CD8B2: variants seen among roughly 807,000 people sequenced by gnomAD.
CD8B2 encodes CD8B family member 2, also known as T-cell surface glycoprotein CD8 beta-2 chain.
A neutral mutation model predicts 23.7 loss-of-function variants in CD8B2; 11 were observed. The ratio of observed to expected loss-of-function variants is 0.46; its 90% CI spans 0.29 to 0.77. CD8B2 has a LOEUF of 0.77. CD8B2 is among the 30% of genes least tolerant of loss of function. The pLI is 0.09. For missense variants in CD8B2, 197 were observed against 270.5 expected (o/e 0.73, Z 1.91); for synonymous variants, 90 against 109.3 (o/e 0.82, Z 1.10).
chr2:106,490,796 C>G (rs1317828058), intron 1 of CD8B2, 78 bp from the exon 2 acceptor site: 2 of 1,531,260 alleles, frequency 1.3e-6, no homozygotes, highest in Admixed American at 2.1e-5. Context: ...TCCTTTGACA[C>G]TTGACTCAGT....
intron 5 of CD8B2, among the ~76,000 whole-genome samples, chr2:106,528,717 T>TAA (rs1679949590): frequency 2.0e-5 from 3 of 152,250 alleles, no homozygotes; most frequent in African/African-American, 7.2e-5. Context: ...CAATAAACTG[T>TAA]GTGGCAGACA....
intron 5 of CD8B2, among the ~76,000 whole-genome samples, chr2:106,526,534 T>A (rs1158887278): frequency 1.3e-5 from 2 of 152,256 alleles, no homozygotes; most frequent in Non-Finnish European, 2.9e-5. Flanking sequence ...CTTCAGTGAC[T>A]GGCTTCTTTC....
chr2:106,522,758 G>A (rs4569472), intron 5 of CD8B2, among the ~76,000 whole-genome samples: 149,658 of 152,284 alleles, frequency 0.98, 73,604 homozygotes, highest in East Asian at 1. Context: ...TTCCATCCCT[G>A]AGCAGTTAAT....
chr2:106,499,295 G>T (rs1679356375), intron 3 of CD8B2, among the ~76,000 whole-genome samples: 1 of 152,088 alleles, frequency 6.6e-6, no homozygotes, highest in African/African-American at 2.4e-5. Flanking sequence ...CACTTTGGGA[G>T]GCCAAAGCTG....
chr2:106,525,293 G>A (rs564442521), intron 5 of CD8B2, among the ~76,000 whole-genome samples: 1 of 152,262 alleles, frequency 6.6e-6, no homozygotes, highest in South Asian at 2.1e-4. Context: ...TCATTATCCT[G>A]TTGGGTCCCA....
chr2:106,535,201 T>A (rs567909777), intron 5 of CD8B2: 1 of 152,218 alleles, frequency 6.6e-6, no homozygotes, highest in Non-Finnish European at 1.5e-5. Flanking sequence ...TTCCTCTCCA[T>A]GTGTGTTACT....
At chr2:106,530,107 G>C (rs1479517248) in intron 5 of CD8B2, among the ~76,000 whole-genome samples, 1 of 152,190 alleles carries the variant, frequency 6.6e-6, no homozygotes. Context: ...GCCGGTATGA[G>C]GACTGCAGCA....
In CD8B2 at chr2:106,543,903, C is replaced by T. The variant is rs1573356471; in HGVS notation, c.621-89C>T. On this transcript the variant is annotated intron_variant, in intron 5 of 5. Transcript: ENST00000416057. Reference sequence around the variant, plus strand: ...GGATTTCTGTGGATTTGTGCTTATACACTGAAAGTTTTGTGATGTACATTG... The same window carrying T: ...GGATTTCTGTGGATTTGTGCTTATATACTGAAAGTTTTGTGATGTACATTG... The T allele has an allele frequency of 7.5e-6, 3 of 397,644 alleles. No individual in the cohort carries two copies. In the East Asian group the frequency reaches 1.1e-4, roughly 14 times the overall value. The allele number at this position is 397,644 out of a possible 1,614,324, so 24.6% of individuals were successfully genotyped here. A position where few individuals can be genotyped will look rare whatever the true frequency, so the allele number is the denominator to read the frequency against.
chr2:106,505,703 G>A (rs1323907037), intron 5 of CD8B2, among the ~76,000 whole-genome samples: 6 of 152,196 alleles, frequency 3.9e-5, no homozygotes, highest in Admixed American at 6.5e-5. Flanking sequence ...AAACATGCCT[G>A]CTGGATTTTA....
intron 4 of CD8B2, among the ~76,000 whole-genome samples, chr2:106,503,964 A>C (rs1249050227): frequency 2.6e-5 from 4 of 152,210 alleles, no homozygotes. Context: ...GTTTAAGGAC[A>C]CAGACTCTGC....
chr2:106,523,235 G>A (rs902612308), intron 5 of CD8B2, among the ~76,000 whole-genome samples: 3 of 152,102 alleles, frequency 2.0e-5, no homozygotes, highest in Admixed American at 2.0e-4. Flanking sequence ...TGAGAAATTT[G>A]CTACCAAGTG....
intron 3 of CD8B2, among the ~76,000 whole-genome samples, chr2:106,498,705 G>A (rs1679345770): frequency 6.6e-6 from 1 of 152,092 alleles, no homozygotes; most frequent in South Asian, 2.1e-4. Context: ...CACTGAATAG[G>A]TGATTCAGCC....
chr2:106,524,906 C>T (rs997201244), intron 5 of CD8B2, among the ~76,000 whole-genome samples: 6 of 152,124 alleles, frequency 3.9e-5, no homozygotes, highest in African/African-American at 4.8e-5. Context: ...CCCTCCCATA[C>T]GCAGCCAGGA....
In CD8B2 at chr2:106,540,950, C is replaced by A. The variant is rs112215836; in HGVS notation, c.621-3042C>A. ...GAAGGCATATCAGGGGAGCTTCATTCGGCTGGGGGAGTGGAGACAGCCTTT... is the reference window on the plus strand; with the variant it reads ...GAAGGCATATCAGGGGAGCTTCATTAGGCTGGGGGAGTGGAGACAGCCTTT... On this transcript the variant is annotated intron_variant, in intron 5 of 5. Coordinates refer to the CD8B2 transcript ENST00000416057. Among the ~76,000 whole-genome samples, 1,512 of 152,280 alleles carry A rather than the reference C, an allele frequency of 9.9e-3. 15 individuals carry two copies. The highest frequency in any genetic ancestry group is 0.032 in the African/African-American group (1,349 of 41,544).
chr2:106,497,162 A>G (rs1194930775), intron 3 of CD8B2, among the ~76,000 whole-genome samples: 1 of 152,176 alleles, frequency 6.6e-6, no homozygotes, highest in Non-Finnish European at 1.5e-5. Context: ...CTGTAGTCCC[A>G]GTTACTCAGG....
In CD8B2 at chr2:106,491,196, C is replaced by A; in HGVS notation, c.366C>A (p.Pro122=). Residue 122 remains proline (P), a synonymous_variant, in exon 2 of 6, where the codon CCC becomes CCA. Coordinates refer to ENST00000643224, the MANE Select transcript of CD8B2 (RefSeq NM_001349727.2). ...GIYFCMIVGS[P]ELTFGKGTQL... ...ACTTCTGCATGATCGTCGGGAGCCC[C>A]GAGCTGACCTTCGGGAAGGGAACTC... The A allele has an allele frequency of 6.2e-7, 1 of 1,611,646 alleles. No homozygotes were observed.
At chr2:106,541,947 G>A (rs1462380126) in intron 5 of CD8B2, among the ~76,000 whole-genome samples, 2 of 152,170 alleles carry the variant, frequency 1.3e-5, no homozygotes, top group African/African-American at 4.8e-5. Flanking sequence ...TGCAGTGTAA[G>A]CTAGAGGTCA....
chr2:106,515,535 C>T (rs912264962), downstream of CD8B2, among the ~76,000 whole-genome samples: 17 of 152,158 alleles, frequency 1.1e-4, no homozygotes, highest in Non-Finnish European at 1.3e-4. Flanking sequence ...TGTGAGTATA[C>T]GGAGAGAAGG....
chr2:106,504,406 A>G, intron 5 of CD8B2, 81 bp downstream of exon 5: 1 of 1,549,018 alleles, frequency 6.5e-7, no homozygotes, highest in South Asian at 1.2e-5. Context: ...CGAGGAGCCA[A>G]AGTCAGACCT....
Sources: gnomAD v4.1 joint callset for allele counts (sites outside exome capture counted in the v4.1 genomes callset) on GRCh38, gnomAD v4.1.1 for gene constraint, MANE v1.5 for transcripts, NCBI Gene and HGNC (gene_info 2026-07-23, HGNC 2026-07-21) for gene names.